ULK4: variants seen among roughly 807,000 people sequenced by gnomAD.
ULK4 encodes the protein inactive serine/threonine-protein kinase ULK4.
A neutral mutation model predicts 160.6 loss-of-function variants in ULK4; 133 were observed. The observed-to-expected ratio is 0.83, with a 90% CI of 0.72 to 0.96. The LOEUF (loss-of-function observed/expected upper bound fraction) is 0.96. Among genes scored for constraint, ULK4 ranks in the 40% least tolerant of loss-of-function variants. The pLI is 0.00. For synonymous variants in ULK4, 534 were observed against 539.8 expected (o/e 0.99, Z 0.15); for missense variants, 1,580 against 1,499.5 (o/e 1.05, Z -0.89).
At chr3:41,920,580 C>T (rs1269200236) in intron 5 of ULK4, among the ~76,000 whole-genome samples, 4 of 152,146 alleles carry the variant, frequency 2.6e-5, no homozygotes, top group African/African-American at 9.7e-5. Flanking sequence ...TTGCAGAGCA[C>T]CTGCCAAGAC....
At chr3:41,531,990 G>A (rs1252406013) in intron 32 of ULK4, among the ~76,000 whole-genome samples, 18 of 152,102 alleles carry the variant, frequency 1.2e-4, no homozygotes, top group Non-Finnish European at 5.9e-5. Flanking sequence ...AAGCTTCTAG[G>A]CACTCCCCTG....
chr3:41,533,257 C>T (rs1056274569), intron 32 of ULK4, among the ~76,000 whole-genome samples: 1 of 152,106 alleles, frequency 6.6e-6, no homozygotes, highest in Admixed American at 6.6e-5. Flanking sequence ...TATTTTAAGT[C>T]GCTTAGCTTT....
chr3:41,681,812 A>G lies in ULK4; in HGVS notation c.2782-8T>C. 5.0e-6 allele frequency: 8 copies of G among 1,613,868 alleles called. No individual in the cohort carries two copies. Among genetic ancestry groups the G allele is most frequent in the Non-Finnish European group, 6.8e-6 (8 of 1,179,854 alleles). Reference sequence around the variant, plus strand: ...CAGTATATAGTCAACAACCTAAAAGAAAGCATGTAAAAGACTCAGAATCTC... The same window carrying G: ...CAGTATATAGTCAACAACCTAAAAGGAAGCATGTAAAAGACTCAGAATCTC... On this transcript the variant is annotated splice_region_variant and splice_polypyrimidine_tract_variant and intron_variant, in intron 27 of 36. Coordinates refer to ENST00000301831, the MANE Select transcript of ULK4 (RefSeq NM_017886.4).
chr3:41,789,620 C>T, intron 21 of ULK4, 41 bp downstream of exon 21: 1 of 1,482,912 alleles, frequency 6.7e-7, no homozygotes, highest in Non-Finnish European at 9.0e-7. Flanking sequence ...CAGAAGAAAA[C>T]AATTTTTAAT....
chr3:41,367,870 T>C lies in ULK4; in HGVS notation c.3678+30209A>G, dbSNP rs145034104. Among the ~76,000 whole-genome samples, 1,502 of 152,320 alleles carry C rather than the reference T, an allele frequency of 9.9e-3. 19 individuals carry two copies. The highest frequency in any genetic ancestry group is 0.034 in the African/African-American group (1,417 of 41,560). On this transcript the variant is annotated intron_variant, in intron 35 of 36. Coordinates refer to ENST00000301831, the MANE Select transcript of ULK4 (RefSeq NM_017886.4). ...ATATGTTAATATATGTATATGTATA[T>C]ATGTATGCAGGTATACACATATGCA...
chr3:41,577,420 T>C (rs570447240), intron 31 of ULK4, among the ~76,000 whole-genome samples: 72 of 152,346 alleles, frequency 4.7e-4, no homozygotes, highest in Non-Finnish European at 9.6e-4. Flanking sequence ...TAATGCATAA[T>C]AATCACGTCA....
chr3:41,686,571 T>C (rs2036109262), intron 27 of ULK4, among the ~76,000 whole-genome samples: 1 of 152,184 alleles, frequency 6.6e-6, no homozygotes, highest in Non-Finnish European at 1.5e-5. Context: ...ATCTAGATAA[T>C]AATCCAGAGG....
At chr3:41,438,562 C>G (rs989963401) in intron 34 of ULK4, among the ~76,000 whole-genome samples, 8 of 152,080 alleles carry the variant, frequency 5.3e-5, no homozygotes, top group Admixed American at 3.3e-4. Flanking sequence ...CAAACACAGT[C>G]AGAAGTAGCT....
At chr3:41,337,798 T>C (rs1218803391) in intron 35 of ULK4, among the ~76,000 whole-genome samples, 1 of 152,144 alleles carries the variant, frequency 6.6e-6, no homozygotes, top group African/African-American at 2.4e-5. Flanking sequence ...GGGCCCTAAA[T>C]TCAGCCCTCT....
At chr3:41,614,772 A>C (rs2125681533) in intron 31 of ULK4, among the ~76,000 whole-genome samples, 1 of 152,286 alleles carries the variant, frequency 6.6e-6, no homozygotes, top group South Asian at 2.1e-4. Flanking sequence ...CAGCACACAA[A>C]CGATTTATAG....
At chr3:41,865,622 C>T (rs1433063419) in intron 17 of ULK4, among the ~76,000 whole-genome samples, 3 of 152,152 alleles carry the variant, frequency 2.0e-5, no homozygotes, top group Non-Finnish European at 4.4e-5. Flanking sequence ...GAAAGTTCCA[C>T]AAAGACAGGG....
At position 41,898,487 on chromosome 3, in the gene ULK4, C is replaced by T; in HGVS notation, c.1293G>A (p.Met431Ile). Reference protein sequence around the residue: ...VTPIIDNPKIMKQPPVKFDAK... With the variant: ...VTPIIDNPKIIKQPPVKFDAK... ...CATCAAATTTAACTGGTGGCTGTTT[C>T]ATTATCTGTGGTTTAAAAAAAAAGA... Residue 431 changes from methionine (M) to isoleucine (I), a missense_variant, in exon 14 of 37, where the codon ATG becomes ATA. Transcript: ENST00000301831. 6.3e-7 allele frequency: 1 copy of T among 1,585,282 alleles called. No homozygotes were observed. The highest frequency in any genetic ancestry group is 1.8e-5 in the Admixed American group (1 of 56,100).
intron 17 of ULK4, among the ~76,000 whole-genome samples, chr3:41,855,953 G>A (rs891258082): frequency 6.6e-6 from 1 of 152,144 alleles, no homozygotes; most frequent in Non-Finnish European, 1.5e-5. Flanking sequence ...TTAAGTCATA[G>A]CAGCAAACAT....
In ULK4 at chr3:41,353,800, T is replaced by G. The variant is rs190788752; in HGVS notation, c.3678+44279A>C. ...TTTATAACTTTCCTGGTCTTACTTC[T>G]ATAGGGTACACCTACTATACTAGTT... On this transcript the variant is annotated intron_variant, in intron 35 of 36. Coordinates refer to ENST00000301831, the MANE Select transcript of ULK4 (RefSeq NM_017886.4). 3.6e-3 allele frequency among the ~76,000 whole-genome samples: 554 copies of G among 152,100 alleles called. 3 individuals carry two copies. The highest frequency in any genetic ancestry group is 0.013 in the African/African-American group (522 of 41,480).
chr3:41,650,484 G>A (rs532371073), intron 30 of ULK4, among the ~76,000 whole-genome samples: 1 of 152,318 alleles, frequency 6.6e-6, no homozygotes, highest in African/African-American at 2.4e-5. Flanking sequence ...CCACAGTGGA[G>A]GCTGCTTGTG....
At chr3:41,816,674 T>A (rs914093467) in intron 19 of ULK4, among the ~76,000 whole-genome samples, 1 of 151,942 alleles carries the variant, frequency 6.6e-6, no homozygotes, top group Non-Finnish European at 1.5e-5. Flanking sequence ...TAGCCAGGCA[T>A]AGTAGTATGC....
intron 31 of ULK4, among the ~76,000 whole-genome samples, chr3:41,584,831 C>T (rs529061823): frequency 2.0e-5 from 3 of 152,250 alleles, no homozygotes; most frequent in African/African-American, 7.2e-5. Context: ...CAAGTACACA[C>T]AGGGAACTTA....
chr3:41,884,925 T>C (rs1297843248), intron 16 of ULK4, among the ~76,000 whole-genome samples: 1 of 152,228 alleles, frequency 6.6e-6, no homozygotes. Flanking sequence ...AAAGTAGTCA[T>C]TTTGAAAAAT....
At chr3:41,268,978 C>T (rs963279781) in intron 35 of ULK4, among the ~76,000 whole-genome samples, 2 of 152,074 alleles carry the variant, frequency 1.3e-5, no homozygotes, top group African/African-American at 4.8e-5. Context: ...CTGGACCAAG[C>T]GCTCACTGGC....
Sources: gnomAD v4.1 joint callset for allele counts (sites outside exome capture counted in the v4.1 genomes callset) on GRCh38, gnomAD v4.1.1 for gene constraint, MANE v1.5 for transcripts, NCBI Gene and HGNC (gene_info 2026-07-23, HGNC 2026-07-21) for gene names.